Variants in PIP5K1B observed in about 807,000 individuals in gnomAD.
The protein encoded by PIP5K1B is phosphatidylinositol 4-phosphate 5-kinase type-1 beta.
In PIP5K1B, 42 loss-of-function variants were observed where a neutral mutation model predicts 67.0. The observed-to-expected ratio is 0.63, with a 90% CI of 0.49 to 0.81. The LOEUF (loss-of-function observed/expected upper bound fraction) is 0.81. Among genes scored for constraint, PIP5K1B ranks in the 30% least tolerant of loss-of-function variants. The probability of loss-of-function intolerance (pLI) is 0.00; values close to 1 mark genes in which losing one functional copy is unlikely to be tolerated. For missense variants in PIP5K1B, 459 were observed against 646.3 expected (o/e 0.71, Z 3.14); for synonymous variants, 214 against 231.4 (o/e 0.92, Z 0.68).
chr9:68,932,236 C>T lies in PIP5K1B; in HGVS notation c.1202-2654C>T, dbSNP rs71503646. ...AACCTTTTGATCATTGCTGTTTCTT[C>T]GTTTAGAGAAATAACATTGACCTAA... On this transcript the variant is annotated intron_variant, in intron 12 of 15. Coordinates refer to ENST00000265382, the MANE Select transcript of PIP5K1B (RefSeq NM_003558.4). Among the ~76,000 whole-genome samples, 52 of 152,162 alleles carry T rather than the reference C, an allele frequency of 3.4e-4. No individual in the cohort carries two copies. In the South Asian group the frequency reaches 3.9e-3, roughly 12 times the overall value.
At chr9:68,735,188 T>C (rs1374748428) in intron 1 of PIP5K1B, among the ~76,000 whole-genome samples, 1 of 152,134 alleles carries the variant, frequency 6.6e-6, no homozygotes, top group East Asian at 1.9e-4. Context: ...GAGAGAATTC[T>C]TATATACCCC....
rs183612209 is a variant in PIP5K1B, at chr9:68,914,191, A to G, written c.772-3357A>G. Among the ~76,000 whole-genome samples the G allele has an allele frequency of 2.8e-3, 421 of 152,320 alleles. 8 individuals are homozygous for G. The highest frequency in any genetic ancestry group is 0.022 in the Admixed American group (343 of 15,290). ...TAAAAAAAGCATTTTTTTAAAAAAAACAAAGGTTTTTAACAAGCAGAATTC... is the reference window on the plus strand; with the variant it reads ...TAAAAAAAGCATTTTTTTAAAAAAAGCAAAGGTTTTTAACAAGCAGAATTC... On this transcript the variant is annotated intron_variant, in intron 8 of 15. Transcript: ENST00000265382.
At chr9:68,987,895 C>A (rs931266288) in intron 14 of PIP5K1B, among the ~76,000 whole-genome samples, 4 of 152,170 alleles carry the variant, frequency 2.6e-5, no homozygotes, top group African/African-American at 9.7e-5. Context: ...AGGTCCTTCT[C>A]CCAACACATG....
chr9:69,001,318 T>C (rs1162986426), intron 15 of PIP5K1B, among the ~76,000 whole-genome samples: 1 of 152,084 alleles, frequency 6.6e-6, no homozygotes, highest in Non-Finnish European at 1.5e-5. Context: ...GCAGTGCTCC[T>C]TTTCAAATGA....
chr9:68,766,983 G>A (rs62552125), intron 2 of PIP5K1B, among the ~76,000 whole-genome samples: 16,532 of 152,186 alleles, frequency 0.11, 1,086 homozygotes, highest in Non-Finnish European at 0.16. Flanking sequence ...CCCCCAGATA[G>A]CCCAAGTAAA....
At chr9:68,955,062 G>C (rs1423617476) in intron 14 of PIP5K1B, among the ~76,000 whole-genome samples, 1 of 152,216 alleles carries the variant, frequency 6.6e-6, no homozygotes, top group East Asian at 1.9e-4. Flanking sequence ...AAGTGAGTTA[G>C]GCAGACAGAG....
chr9:68,864,026 C>T, intron 5 of PIP5K1B, 59 bp downstream of exon 5: 2 of 1,545,632 alleles, frequency 1.3e-6, no homozygotes, highest in South Asian at 2.3e-5. Flanking sequence ...TGTGACAACC[C>T]CATATTGAAG....
At chr9:68,791,578 C>T (rs1831973746) in intron 2 of PIP5K1B, among the ~76,000 whole-genome samples, 1 of 151,968 alleles carries the variant, frequency 6.6e-6, no homozygotes, top group Admixed American at 6.5e-5. Flanking sequence ...TTTGAGTCCT[C>T]TTGGGGAAAA....
At chr9:68,946,331 A>G (rs1213977411) in intron 14 of PIP5K1B, among the ~76,000 whole-genome samples, 1 of 152,108 alleles carries the variant, frequency 6.6e-6, no homozygotes, top group African/African-American at 2.4e-5. Flanking sequence ...TAGTAGGATG[A>G]TGCACTCGTT....
Position 68,920,359 on chromosome 9 carries a change from C to CTTTTTTTTTTTTTTTTTTTTTTTTTTTT in PIP5K1B, c.1116+656_1116+657insTTTTTTTTTTTTTTTTTTTTTTTTTTTT, listed in dbSNP as rs5898051. 2.5e-4 allele frequency among the ~76,000 whole-genome samples: 25 copies of CTTTTTTTTTTTTTTTTTTTTTTTTTTTT among 98,308 alleles called. 10 individuals are homozygous for CTTTTTTTTTTTTTTTTTTTTTTTTTTTT. The highest frequency in any genetic ancestry group is 3.6e-4 in the Admixed American group (3 of 8,288). The allele number at this position is 98,308 out of a possible 152,430, so 64.5% of individuals were successfully genotyped here. A position where few individuals can be genotyped will look rare whatever the true frequency, so the allele number is the denominator to read the frequency against. On this transcript the variant is annotated intron_variant, in intron 11 of 15. Coordinates refer to ENST00000265382, the MANE Select transcript of PIP5K1B (RefSeq NM_003558.4). Reference sequence around the variant, plus strand: ...ATACATGCTGGCTGCCTGAGGTTGTCTTTTTTTTTTTTTTTTTTTTTTTTT... The same window carrying CTTTTTTTTTTTTTTTTTTTTTTTTTTTT: ...ATACATGCTGGCTGCCTGAGGTTGTCTTTTTTTTTTTTTTTTTTTTTTTTTTTTTTTTTTTTTTTTTTTTTTTTTTTTT...
At chr9:68,900,461 A>G (rs1430644239) in intron 8 of PIP5K1B, among the ~76,000 whole-genome samples, 1 of 152,212 alleles carries the variant, frequency 6.6e-6, no homozygotes, top group Non-Finnish European at 1.5e-5. Context: ...GTAATTTACC[A>G]TGATTATTTT....
intron 2 of PIP5K1B, among the ~76,000 whole-genome samples, chr9:68,750,714 A>G (rs1310907686): frequency 6.6e-6 from 1 of 152,218 alleles, no homozygotes; most frequent in African/African-American, 2.4e-5. Flanking sequence ...ATGCACAATA[A>G]ATTAGTAAAT....
chr9:68,710,789 A>G (rs1827351449), intron 1 of PIP5K1B, among the ~76,000 whole-genome samples: 2 of 152,242 alleles, frequency 1.3e-5, no homozygotes, highest in South Asian at 4.1e-4. Flanking sequence ...TGTATTGTTT[A>G]TGGGACTCAA....
intron 4 of PIP5K1B, among the ~76,000 whole-genome samples, chr9:68,828,344 G>T (rs1448411106): frequency 6.6e-6 from 1 of 152,378 alleles, no homozygotes; most frequent in Middle Eastern, 3.4e-3. Context: ...AGTGTGCAGA[G>T]TCTTTTTAGC....
chr9:68,863,935 C>A lies in PIP5K1B; in HGVS notation c.168C>A (p.Asp56Glu). ...CAGAACGAGATGTTCTTATGCAAGACTTTTATGTGGTGGAAAGTGTGTTCC... is the reference window on the plus strand; with the variant it reads ...CAGAACGAGATGTTCTTATGCAAGAATTTTATGTGGTGGAAAGTGTGTTCC... ...SKPERDVLMQ[D>E]FYVVESVFLP... The change falls in exon 5 of 16, where the codon GAC (aspartate) becomes GAA (glutamate). Residue 56 changes from aspartate to glutamate, a missense_variant. This residue lies in a region of PIP5K1B where 290 missense variants were observed against 474.4 expected (regional missense o/e 0.61). Transcript: ENST00000265382. The A allele has an allele frequency of 1.2e-6, 2 of 1,613,914 alleles. No individual in the cohort carries two copies. The highest frequency in any genetic ancestry group is 1.7e-6 in the Non-Finnish European group (2 of 1,179,848).
intron 1 of PIP5K1B, among the ~76,000 whole-genome samples, chr9:68,740,980 C>T (rs1828978666): frequency 6.6e-6 from 1 of 152,170 alleles, no homozygotes; most frequent in African/African-American, 2.4e-5. Context: ...TCTAAGAAGT[C>T]TTTTAGCTTT....
At chr9:68,706,074 C>A (rs1393821236) in intron 1 of PIP5K1B, 1 of 152,350 alleles carries the variant, frequency 6.6e-6, no homozygotes, top group Non-Finnish European at 1.5e-5. Context: ...TTCCGGGGAA[C>A]CTGCAGAGTT....
intron 6 of PIP5K1B, among the ~76,000 whole-genome samples, chr9:68,887,659 G>A (rs921844992): frequency 6.6e-6 from 1 of 152,248 alleles, no homozygotes; most frequent in Non-Finnish European, 1.5e-5. Flanking sequence ...TAGAGGGGAT[G>A]AGAGTGGACA....
chr9:68,760,196 C>T (rs1312495116), intron 2 of PIP5K1B, among the ~76,000 whole-genome samples: 4 of 152,098 alleles, frequency 2.6e-5, no homozygotes, highest in Admixed American at 6.6e-5. Flanking sequence ...GCACAGCTCT[C>T]TTTTGGAATG....
Sources: allele counts gnomAD v4.1 joint callset (sites outside exome capture counted in the v4.1 genomes callset), GRCh38; gene constraint gnomAD v4.1.1; regional missense constraint gnomAD v4.1.1; transcripts MANE v1.5; gene names NCBI Gene and HGNC (gene_info 2026-07-23, HGNC 2026-07-21).